OR6N1: variants seen among roughly 807,000 people sequenced by gnomAD.
The protein encoded by OR6N1 is olfactory receptor family 6 subfamily N member 1, also known as olfactory receptor 6N1.
For missense variants in OR6N1, 394 were observed against 371.7 expected (o/e 1.06, Z -0.49); for synonymous variants, 170 against 150.7 (o/e 1.13, Z -0.94).
the OR6N1 span, among the ~76,000 whole-genome samples, chr1:158,806,049 T>A: frequency 6.6e-6 from 1 of 152,174 alleles, no homozygotes; most frequent in African/African-American, 2.4e-5. Context: ...ATCTAAGCCA[T>A]TTCAATTTAA....
At chr1:158,789,463 CTATGAGCATT>C in the OR6N1 span, among the ~76,000 whole-genome samples, 88 of 152,282 alleles carry the variant, frequency 5.8e-4, no homozygotes, top group Admixed American at 2.5e-3. Flanking sequence ...CACCAACAGC[CTATGAGCATT>C]CCCCTTTTTC....
chr1:158,779,106 A>G, the OR6N1 span, among the ~76,000 whole-genome samples: 2 of 152,164 alleles, frequency 1.3e-5, no homozygotes, highest in African/African-American at 4.8e-5. Flanking sequence ...AATCAATTAT[A>G]TAAATACAGG....
the OR6N1 span, chr1:158,777,390 C>T: frequency 1.2e-5 from 19 of 1,614,132 alleles, no homozygotes; most frequent in South Asian, 1.1e-4. Flanking sequence ...GAATATTAGA[C>T]AACATCTTAG....
At chr1:158,797,131 G>C in the OR6N1 span, among the ~76,000 whole-genome samples, 1 of 152,220 alleles carries the variant, frequency 6.6e-6, no homozygotes, top group South Asian at 2.1e-4. Context: ...GATACAGAGA[G>C]TTTCCCAGGC....
At position 158,765,830 on chromosome 1, in the gene OR6N1, G is replaced by T. The variant is rs750574583; in HGVS notation, c.853C>A (p.Leu285Ile). ...AVVYSVLTPFLNPFIYSLRNK... is the reference protein window; with the variant it reads ...AVVYSVLTPFINPFIYSLRNK... Reference sequence around the variant, plus strand: ...CGCAAGCTGTAGATGAAGGGGTTGAGGAAGGGTGTGAGCACTGAGTAGACC... The same window carrying T: ...CGCAAGCTGTAGATGAAGGGGTTGATGAAGGGTGTGAGCACTGAGTAGACC... Residue 285 changes from leucine (L) to isoleucine (I), a missense_variant, in exon 2 of 2, where the codon CTC (leucine) becomes ATC (isoleucine). By Grantham distance (5) the Leu-to-Ile change is conservative. Coordinates refer to ENST00000641846, the MANE Select transcript of OR6N1 (RefSeq NM_001005185.2). 1.2e-6 allele frequency: 2 copies of T among 1,614,022 alleles called. No individual in the cohort carries two copies. The highest frequency in any genetic ancestry group is 1.7e-6 in the Non-Finnish European group (2 of 1,180,008).
At chr1:158,768,890 T>G (rs1299929219) in intron 1 of OR6N1, among the ~76,000 whole-genome samples, 1 of 152,180 alleles carries the variant, frequency 6.6e-6, no homozygotes, top group Non-Finnish European at 1.5e-5. Flanking sequence ...ACCTGTAAAA[T>G]GTACTTATTT....
chr1:158,796,684 A>C, the OR6N1 span, among the ~76,000 whole-genome samples: 1 of 152,252 alleles, frequency 6.6e-6, no homozygotes, highest in Admixed American at 6.5e-5. Context: ...ATTCTTAATC[A>C]GGGAACTTCC....
the OR6N1 span, among the ~76,000 whole-genome samples, chr1:158,779,233 A>T: frequency 6.6e-6 from 1 of 152,172 alleles, no homozygotes; most frequent in Non-Finnish European, 1.5e-5. Context: ...AAAATTCACA[A>T]TGCAACTTTA....
chr1:158,799,223 T>A, the OR6N1 span, among the ~76,000 whole-genome samples: 2 of 152,166 alleles, frequency 1.3e-5, no homozygotes, highest in Non-Finnish European at 1.5e-5. Flanking sequence ...GGAGAAAGCT[T>A]AAAAAGACTG....
In OR6N1 at chr1:158,765,713, G is replaced by C; in HGVS notation, c.*31C>G. 4 of 1,562,890 alleles carry C rather than the reference G, an allele frequency of 2.6e-6. No individual in the cohort carries two copies. The highest frequency in any genetic ancestry group is 3.5e-6 in the Non-Finnish European group (4 of 1,139,778). On this transcript the variant is annotated 3_prime_UTR_variant, in exon 2 of 2. Coordinates refer to ENST00000641846, the MANE Select transcript of OR6N1 (RefSeq NM_001005185.2). ...GATCCCTGGGGCCACCATATCCTCA[G>C]GCCCGGCCTTGGCCTACTCTCAGCC...
At chr1:158,807,907 C>T in the OR6N1 span, among the ~76,000 whole-genome samples, 1 of 152,088 alleles carries the variant, frequency 6.6e-6, no homozygotes, top group Non-Finnish European at 1.5e-5. Flanking sequence ...ACCCCTTTCT[C>T]TTTACATCTT....
chr1:158,814,824 C>T, the OR6N1 span, among the ~76,000 whole-genome samples: 3 of 152,106 alleles, frequency 2.0e-5, no homozygotes, highest in African/African-American at 4.8e-5. Context: ...ATGATTATTT[C>T]CCACTTCTTT....
At chr1:158,772,214 C>A (rs981207418), upstream of OR6N1, 8 of 152,166 alleles carry the variant, frequency 5.3e-5, no homozygotes, top group East Asian at 9.7e-4. Context: ...ATAAGTTAAA[C>A]CATAAAACAA....
upstream of OR6N1, chr1:158,777,110 GTTGGA>G: frequency 6.2e-7 from 1 of 1,614,190 alleles, no homozygotes; most frequent in Non-Finnish European, 8.5e-7. Flanking sequence ...CAGAAAATGT[GTTGGA>G]TTTCATTGTA....
At chr1:158,830,765 A>G in the OR6N1 span, among the ~76,000 whole-genome samples, 2 of 152,238 alleles carry the variant, frequency 1.3e-5, no homozygotes, top group Non-Finnish European at 2.9e-5. Context: ...AAGGCAGCTC[A>G]GTTATTATAC....
the OR6N1 span, among the ~76,000 whole-genome samples, chr1:158,787,582 T>C: frequency 6.7e-6 from 1 of 148,980 alleles, no homozygotes; most frequent in Non-Finnish European, 1.5e-5. Context: ...ATTACATGTA[T>C]ATACTTTCTC....
the OR6N1 span, among the ~76,000 whole-genome samples, chr1:158,801,569 A>T: frequency 2.0e-5 from 3 of 152,192 alleles, no homozygotes; most frequent in Non-Finnish European, 4.4e-5. Context: ...CTATTTCTAA[A>T]TTGACTTTGT....
chr1:158,786,496 T>C, the OR6N1 span, among the ~76,000 whole-genome samples: 2 of 152,130 alleles, frequency 1.3e-5, no homozygotes, highest in Admixed American at 1.3e-4. Flanking sequence ...CAGTTCTGGG[T>C]ATTTACTCAA....
the OR6N1 span, among the ~76,000 whole-genome samples, chr1:158,821,858 T>G: frequency 2.0e-5 from 3 of 152,202 alleles, no homozygotes; most frequent in Admixed American, 6.5e-5. Flanking sequence ...TGTCAAACTG[T>G]CTTCCAAACT....
Sources: allele counts gnomAD v4.1 joint callset (sites outside exome capture counted in the v4.1 genomes callset), GRCh38; gene constraint gnomAD v4.1.1; transcripts MANE v1.5; gene names NCBI Gene and HGNC (gene_info 2026-07-23, HGNC 2026-07-21).